The following IL2RA variants were observed in gnomAD, a reference collection of about 807,000 sequenced individuals.
IL2RA encodes the protein interleukin-2 receptor subunit alpha.
A neutral mutation model predicts 37.8 loss-of-function variants in IL2RA; 24 were observed. The observed-to-expected ratio is 0.63, with a 90% CI of 0.46 to 0.89. IL2RA has a LOEUF of 0.89. Among genes scored for constraint, IL2RA ranks in the 40% least tolerant of loss-of-function variants. The probability of loss-of-function intolerance (pLI) is 0.00; values close to 1 mark genes in which losing one functional copy is unlikely to be tolerated. For synonymous variants in IL2RA, 125 were observed against 114.6 expected, an observed-to-expected ratio of 1.09 and a Z score of -0.58; for missense variants, 319 against 348.6, an observed-to-expected ratio of 0.92 and a Z score of 0.68.
At position 6,021,666 on chromosome 10, in the gene IL2RA, T is replaced by A; in HGVS notation, c.395A>T (p.Glu132Val). 1 of 1,614,130 alleles carries A rather than the reference T, an allele frequency of 6.2e-7. No individual in the cohort carries two copies. Among genetic ancestry groups the A allele is most frequent in the Non-Finnish European group, 8.5e-7 (1 of 1,180,018 alleles). The change falls in exon 4 of 8, where the codon GAA becomes GTA. Residue 132 changes from glutamate to valine, a missense_variant. Glu to Val is a moderately radical substitution (Grantham distance 121). Transcript: ENST00000379959. This position sits in a 1 kb window ranked among gnomAD's most constrained non-coding sequence, Gnocchi z 4.9. ...ATAAATTCTCTCTGTGGCTTCATTT[T>A]CCCATGGTGGAGGTTCCCTGCAGTG... ...PGHCREPPPW[E>V]NEATERIYHF...
rs577446650 is a variant in IL2RA, at chr10:6,037,989, A to G, written c.65-11964T>C. Among the ~76,000 whole-genome samples the G allele has an allele frequency of 5.9e-5, 9 of 152,320 alleles. No individual in the cohort carries two copies. The South Asian group carries it at 1.9e-3, about 32-fold the overall frequency. ...CAGAAGTTTAGGCCGTATAGAAAGTAAGTGGTTTGGGTGCAAAAGGGATGT... is the reference window on the plus strand; with the variant it reads ...CAGAAGTTTAGGCCGTATAGAAAGTGAGTGGTTTGGGTGCAAAAGGGATGT... On this transcript the variant is annotated intron_variant, in intron 1 of 7. Transcript: ENST00000379959.
In IL2RA at chr10:6,015,874, C is replaced by A. The variant is rs1281625867; in HGVS notation, c.794+2179G>T. 6.6e-6 allele frequency among the ~76,000 whole-genome samples: 1 copy of A among 151,988 alleles called. No individual in the cohort carries two copies. Among genetic ancestry groups the A allele is most frequent in the Non-Finnish European group, 1.5e-5 (1 of 68,018 alleles). On this transcript the variant is annotated intron_variant, in intron 7 of 7. Coordinates refer to ENST00000379959, the MANE Select transcript of IL2RA (RefSeq NM_000417.3). This position sits in a 1 kb window ranked among gnomAD's most constrained non-coding sequence, Gnocchi z 4.9. ...AAAAGGCCACGTGATTCCATTTACA[C>A]GAAATGTCCAGAATAGGCAAATCCA...
rs182842813 is a variant in IL2RA, at chr10:6,014,816, T to C, written c.795-1920A>G. 6.6e-6 allele frequency among the ~76,000 whole-genome samples: 1 copy of C among 152,350 alleles called. No individual in the cohort carries two copies. Among genetic ancestry groups the C allele is most frequent in the East Asian group, 1.9e-4 (1 of 5,180 alleles). On this transcript the variant is annotated intron_variant, in intron 7 of 7. Coordinates refer to ENST00000379959, the MANE Select transcript of IL2RA (RefSeq NM_000417.3). This position sits in a 1 kb window ranked among gnomAD's most constrained non-coding sequence, Gnocchi z 4.4. The stretch of plus-strand genomic sequence containing the variant: ...GCTTATCATTTGCACTGCAGTAATT[T>C]ATACTTTTTAATTCCCATGAGGAAA...
At chr10:6,032,790 T>C (rs530040246) in intron 1 of IL2RA, among the ~76,000 whole-genome samples, 1 of 151,582 alleles carries the variant, frequency 6.6e-6, no homozygotes, top group Admixed American at 6.6e-5. Flanking sequence ...GTCCAGAATA[T>C]ATAAAGAAAA....
At position 6,014,249 on chromosome 10, in the gene IL2RA, GAAAC is replaced by G. The variant is rs1181291885; in HGVS notation, c.795-1357_795-1354del. Among the ~76,000 whole-genome samples the G allele has an allele frequency of 5.9e-5, 9 of 152,252 alleles. No homozygotes were observed. The East Asian group carries it at 1.5e-3, about 26-fold the overall frequency. On this transcript the variant is annotated intron_variant, in intron 7 of 7. Coordinates refer to ENST00000379959, the MANE Select transcript of IL2RA (RefSeq NM_000417.3). The surrounding 1 kb of genome is among the most constrained non-coding windows in gnomAD (Gnocchi z 4.4). ...CATCACGGGCTCCTGGTCATTGCCCGAAACAAACAAAAAATATTTCCCCAACCAA... is the reference window on the plus strand; with the variant it reads ...CATCACGGGCTCCTGGTCATTGCCCGAAACAAAAAATATTTCCCCAACCAA...
In IL2RA at chr10:6,028,745, C is replaced by A. The variant is rs898690581; in HGVS notation, c.65-2720G>T. On this transcript the variant is annotated intron_variant, in intron 1 of 7. Transcript: ENST00000379959. This position sits in a 1 kb window ranked among gnomAD's most constrained non-coding sequence, Gnocchi z 4.1. ...GGGTGTGGTGGCTCATGCCTGTAATCCCAGCACTTTGGGGCGACAAGGCAG... is the reference window on the plus strand; with the variant it reads ...GGGTGTGGTGGCTCATGCCTGTAATACCAGCACTTTGGGGCGACAAGGCAG... 3.9e-5 allele frequency among the ~76,000 whole-genome samples: 6 copies of A among 152,168 alleles called. No homozygotes were observed. Among genetic ancestry groups the A allele is most frequent in the Admixed American group, 3.3e-4 (5 of 15,270 alleles).
rs775282989 is a variant in IL2RA, at chr10:6,021,581, G to A, written c.480C>T (p.His160=). 3.1e-6 allele frequency: 5 copies of A among 1,614,004 alleles called. No individual in the cohort carries two copies. The East Asian group carries it at 8.9e-5, about 29-fold the overall frequency. ...YQCVQGYRAL[H]RGPAESVCKM... is the part of the protein sequence containing the mutation. ...TGCAGACGCTCTCAGCAGGACCTCT[G>A]TGTAGAGCCCTGTATCCCTGGACGC... The change falls in exon 4 of 8, where the codon CAC becomes CAT. Residue 160 remains histidine, a synonymous_variant. Coordinates refer to ENST00000379959, the MANE Select transcript of IL2RA (RefSeq NM_000417.3). The surrounding 1 kb of genome is among the most constrained non-coding windows in gnomAD (Gnocchi z 4.9).
At chr10:6,016,741 T>C (rs895476012) in intron 7 of IL2RA, among the ~76,000 whole-genome samples, 1 of 152,042 alleles carries the variant, frequency 6.6e-6, no homozygotes, top group East Asian at 1.9e-4. Context: ...CCTGGCTTAT[T>C]TTTGTATTTT....
intron 1 of IL2RA, among the ~76,000 whole-genome samples, chr10:6,052,318 T>G (rs1053270625): frequency 1.3e-4 from 20 of 152,196 alleles, no homozygotes; most frequent in Non-Finnish European, 1.3e-4. Context: ...TCGATCTGTG[T>G]GTTCCATCGA....
intron 1 of IL2RA, among the ~76,000 whole-genome samples, chr10:6,043,035 T>C (rs531794733): frequency 6.6e-6 from 1 of 152,356 alleles, no homozygotes; most frequent in Non-Finnish European, 1.5e-5. Flanking sequence ...GAGAAATTCT[T>C]GCATATGTGC....
intron 1 of IL2RA, among the ~76,000 whole-genome samples, chr10:6,027,155 C>T (rs535080240): frequency 3.3e-5 from 5 of 152,226 alleles, no homozygotes; most frequent in Non-Finnish European, 7.4e-5. Flanking sequence ...AAACCACAGT[C>T]TCTACTAAAA....
intron 1 of IL2RA, among the ~76,000 whole-genome samples, chr10:6,043,522 T>C (rs1839804701): frequency 6.6e-6 from 1 of 152,160 alleles, no homozygotes; most frequent in East Asian, 1.9e-4. Context: ...CACTGCAACC[T>C]CTGCCTCCAA....
At position 6,020,371 on chromosome 10, in the gene IL2RA, C is replaced by T. The variant is rs1250814860; in HGVS notation, c.584-430G>A. 3.9e-5 allele frequency among the ~76,000 whole-genome samples: 6 copies of T among 152,142 alleles called. No homozygotes were observed. Among genetic ancestry groups the T allele is most frequent in the Admixed American group, 3.9e-4 (6 of 15,256 alleles). ...GGTCAGCAACCCTGGCTCTGCCCTG[C>T]CTCTCACCCTCTTCCAAGGAAGCAG... is the stretch of plus-strand genomic sequence containing the variant. On this transcript the variant is annotated intron_variant, in intron 4 of 7. Transcript: ENST00000379959. The surrounding 1 kb of genome is among the most constrained non-coding windows in gnomAD (Gnocchi z 5.6).
chr10:6,062,292 T>C lies in IL2RA; in HGVS notation c.-141A>G. 1 of 698,368 alleles carries C rather than the reference T, an allele frequency of 1.4e-6. No homozygotes were observed. Among genetic ancestry groups the C allele is most frequent in the Non-Finnish European group, 2.6e-6 (1 of 386,352 alleles). 43.3% of individuals were successfully genotyped at this position (698,368 alleles called of 1,614,324 possible). A position where few individuals can be genotyped will look rare whatever the true frequency, so the allele number is the denominator to read the frequency against. ...CGGTCCGCCTGGGCTGTCACCCTTG[T>C]GGGTCCATCCAGTCTCTATCGGAGT... On this transcript the variant is annotated 5_prime_UTR_variant, in exon 1 of 8. Coordinates refer to ENST00000379959, the MANE Select transcript of IL2RA (RefSeq NM_000417.3).
In IL2RA at chr10:6,042,148, C is replaced by CAAAAAA. The variant is rs57093239; in HGVS notation, c.65-16129_65-16124dup. On this transcript the variant is annotated intron_variant, in intron 1 of 7. Coordinates refer to ENST00000379959, the MANE Select transcript of IL2RA (RefSeq NM_000417.3). ...CACCTGATGCTAGCAATGTATTAAG[C>CAAAAAA]AAAAAAAAAAAAAAAAAAAATTCTG... is the stretch of plus-strand genomic sequence containing the variant. 7.4e-4 allele frequency among the ~76,000 whole-genome samples: 40 copies of CAAAAAA among 54,130 alleles called. 11 individuals carry two copies. In the East Asian group the frequency reaches 8.4e-3, roughly 11 times the overall value. The allele number at this position is 54,130 out of a possible 152,430, so 35.5% of individuals were successfully genotyped here. A position where few individuals can be genotyped will look rare whatever the true frequency, so the allele number is the denominator to read the frequency against.
chr10:6,055,099 A>C (rs1369195631), intron 1 of IL2RA, among the ~76,000 whole-genome samples: 2 of 152,210 alleles, frequency 1.3e-5, no homozygotes, highest in Non-Finnish European at 1.5e-5. Flanking sequence ...ATGCACCCAC[A>C]ACATAGGCCT....
chr10:6,041,358 A>C (rs927530407), intron 1 of IL2RA, among the ~76,000 whole-genome samples: 3 of 151,796 alleles, frequency 2.0e-5, no homozygotes, highest in Non-Finnish European at 4.4e-5. Flanking sequence ...CTCGTGATCC[A>C]CCCGCCTCGG....
intron 1 of IL2RA, among the ~76,000 whole-genome samples, chr10:6,050,391 C>T (rs1190337209): frequency 6.6e-6 from 1 of 152,168 alleles, no homozygotes; most frequent in Non-Finnish European, 1.5e-5. Flanking sequence ...AATCCCAGCA[C>T]TTTGGGAGGC....
In IL2RA at chr10:6,029,213, G is replaced by A. The variant is rs1839536822; in HGVS notation, c.65-3188C>T. Among the ~76,000 whole-genome samples the A allele has an allele frequency of 6.6e-6, 1 of 150,910 alleles. No individual in the cohort carries two copies. The highest frequency in any genetic ancestry group is 2.4e-5 in the African/African-American group (1 of 40,978). Reference sequence around the variant, plus strand: ...GAGTTTCGCTCTTGTTGCCCAGGCTGGAGTGCAATGGTGCAATCTTGACTC... The same window carrying A: ...GAGTTTCGCTCTTGTTGCCCAGGCTAGAGTGCAATGGTGCAATCTTGACTC... On this transcript the variant is annotated intron_variant, in intron 1 of 7. Transcript: ENST00000379959. This position sits in a 1 kb window ranked among gnomAD's most constrained non-coding sequence, Gnocchi z 4.6.
Sources: allele counts gnomAD v4.1 joint callset (sites outside exome capture counted in the v4.1 genomes callset), GRCh38; gene constraint gnomAD v4.1.1; non-coding constraint Gnocchi (gnomAD v3.1); transcripts MANE v1.5; gene names NCBI Gene and HGNC (gene_info 2026-07-23, HGNC 2026-07-21).